ARHGAP28: variants seen among roughly 807,000 people sequenced by gnomAD.
ARHGAP28 encodes the protein Rho GTPase activating protein 28.
In ARHGAP28, 56 loss-of-function variants were observed where a neutral mutation model predicts 90.7. The observed-to-expected ratio is 0.62, with a 90% CI of 0.50 to 0.77. The LOEUF (loss-of-function observed/expected upper bound fraction) is 0.77, where lower values mean the gene tolerates loss of function less well. Among genes scored for constraint, ARHGAP28 ranks in the 30% least tolerant of loss-of-function variants. The probability of loss-of-function intolerance (pLI) is 0.00; values close to 1 mark genes in which losing one functional copy is unlikely to be tolerated. For missense variants in ARHGAP28, 869 were observed against 900.9 expected (o/e 0.96, Z 0.45); for synonymous variants, 308 against 323.3 (o/e 0.95, Z 0.51).
At chr18:6,810,459 C>CT (rs981963803) in intron 1 of ARHGAP28, among the ~76,000 whole-genome samples, 26 of 148,776 alleles carry the variant, frequency 1.7e-4, no homozygotes, top group Non-Finnish European at 2.5e-4. Flanking sequence ...GTTCAGTGGG[C>CT]TTTTTTTTTT....
chr18:6,743,917 T>C (rs2056000401), intron 1 of ARHGAP28, among the ~76,000 whole-genome samples: 1 of 152,232 alleles, frequency 6.6e-6, no homozygotes, highest in Non-Finnish European at 1.5e-5. Flanking sequence ...TAATTTCAGC[T>C]GCATCCAGAG....
chr18:6,777,868 A>G (rs764904516), intron 1 of ARHGAP28, among the ~76,000 whole-genome samples: 7 of 152,174 alleles, frequency 4.6e-5, no homozygotes, highest in Non-Finnish European at 1.0e-4. Flanking sequence ...TTGACAGAGT[A>G]TGAAGGAAAA....
At chr18:6,765,358 A>G (rs1413863318) in intron 1 of ARHGAP28, among the ~76,000 whole-genome samples, 1 of 152,162 alleles carries the variant, frequency 6.6e-6, no homozygotes, top group Non-Finnish European at 1.5e-5. Flanking sequence ...TGTCAGTTCT[A>G]ATAAATTATC....
intron 1 of ARHGAP28, among the ~76,000 whole-genome samples, chr18:6,749,430 G>C (rs1443813321): frequency 6.6e-6 from 1 of 152,150 alleles, no homozygotes; most frequent in Admixed American, 6.5e-5. Flanking sequence ...CCAGCAATCA[G>C]TTTATAGGAC....
At chr18:6,780,464 G>A (rs9947100) in intron 1 of ARHGAP28, among the ~76,000 whole-genome samples, 15,055 of 152,144 alleles carry the variant, frequency 0.099, 1,069 homozygotes, top group East Asian at 0.35. Flanking sequence ...CAAACACTAC[G>A]CCATTTTATG....
chr18:6,900,743 T>A (rs1032081121), intron 16 of ARHGAP28, among the ~76,000 whole-genome samples: 2 of 152,130 alleles, frequency 1.3e-5, no homozygotes, highest in African/African-American at 2.4e-5. Flanking sequence ...AGAGTGAGAC[T>A]GAAAGAATAT....
intron 17 of ARHGAP28, among the ~76,000 whole-genome samples, chr18:6,910,017 C>T (rs2057387502): frequency 6.6e-6 from 1 of 152,178 alleles, no homozygotes. Flanking sequence ...GCAAAAGCTT[C>T]TTGAATCAGT....
chr18:6,820,472 G>C (rs1212108712), intron 1 of ARHGAP28, among the ~76,000 whole-genome samples: 1 of 152,106 alleles, frequency 6.6e-6, no homozygotes. Context: ...GGAGAGGAGA[G>C]AGGAAAAGTG....
intron 4 of ARHGAP28, among the ~76,000 whole-genome samples, chr18:6,853,843 T>A (rs1306601713): frequency 6.6e-6 from 1 of 152,174 alleles, no homozygotes. Context: ...CCTTTCCAGA[T>A]CGAACCAATG....
Position 6,882,764 on chromosome 18 carries a change from A to C in ARHGAP28, c.1453+465A>C, listed in dbSNP as rs138554402. Among the ~76,000 whole-genome samples, 80 of 152,352 alleles carry C rather than the reference A, an allele frequency of 5.3e-4. 1 individual carries two copies. The highest frequency in any genetic ancestry group is 1.9e-3 in the African/African-American group (79 of 41,582). On this transcript the variant is annotated intron_variant, in intron 11 of 17. Transcript: ENST00000383472. The stretch of plus-strand genomic sequence containing the variant: ...AGGTCTGATGATGCAGCATGCAATA[A>C]ATACTTCACAGAAGATAATATGTCT...
At chr18:6,741,218 C>T (rs1449128001) in intron 1 of ARHGAP28, among the ~76,000 whole-genome samples, 1 of 152,050 alleles carries the variant, frequency 6.6e-6, no homozygotes, top group Non-Finnish European at 1.5e-5. Context: ...AAAGAGCTGA[C>T]TGTAAGTTTC....
At chr18:6,792,277 C>T (rs957044601) in intron 1 of ARHGAP28, among the ~76,000 whole-genome samples, 2 of 152,100 alleles carry the variant, frequency 1.3e-5, no homozygotes, top group South Asian at 4.1e-4. Flanking sequence ...CTCATCAGGT[C>T]GTACATTTAA....
At chr18:6,766,289 A>G (rs1465228911) in intron 1 of ARHGAP28, among the ~76,000 whole-genome samples, 1 of 152,214 alleles carries the variant, frequency 6.6e-6, no homozygotes, top group Non-Finnish European at 1.5e-5. Context: ...GTCTCAGGGC[A>G]TACTCATTTA....
chr18:6,840,983 G>A (rs1378613636), intron 3 of ARHGAP28, among the ~76,000 whole-genome samples: 6 of 151,766 alleles, frequency 4.0e-5, no homozygotes, highest in Non-Finnish European at 2.9e-5. Context: ...TAAAAAATTC[G>A]GCATCTGTTT....
At position 6,841,180 on chromosome 18, in the gene ARHGAP28, C is replaced by CTCTCTCTCTCT. The variant is rs1491103592; in HGVS notation, c.543+3766_543+3767insTCTCTCTCTCT. Among the ~76,000 whole-genome samples, 61 of 57,050 alleles carry CTCTCTCTCTCT rather than the reference C, an allele frequency of 1.1e-3. 2 individuals carry two copies. Among genetic ancestry groups the CTCTCTCTCTCT allele is most frequent in the Non-Finnish European group, 1.7e-3 (54 of 31,658 alleles). 37.4% of individuals were successfully genotyped at this position (57,050 alleles called of 152,430 possible). On this transcript the variant is annotated intron_variant, in intron 3 of 17. Transcript: ENST00000383472. ...CTTTCTCTCTCTCCTCTCTCTCTCT[C>CTCTCTCTCTCT]CTCTCTCTCTCTCTCTCTCTCTCCT...
intron 1 of ARHGAP28, among the ~76,000 whole-genome samples, chr18:6,752,599 C>T (rs12968963): frequency 0.13 from 19,195 of 152,188 alleles, 1,406 homozygotes; most frequent in South Asian, 0.26. Flanking sequence ...AGCAAAACCA[C>T]GAAGTGCTAA....
At chr18:6,754,013 A>G (rs2056090094) in intron 1 of ARHGAP28, among the ~76,000 whole-genome samples, 2 of 152,208 alleles carry the variant, frequency 1.3e-5, no homozygotes, top group African/African-American at 4.8e-5. Context: ...TGATTTCTGC[A>G]ATTATTTCAT....
chr18:6,788,610 C>T (rs1255976717), intron 1 of ARHGAP28: 2 of 152,230 alleles, frequency 1.3e-5, no homozygotes, highest in African/African-American at 2.4e-5. Flanking sequence ...TACAGGCACC[C>T]ACCACCACAC....
At chr18:6,858,761 C>A (rs2056974113) in intron 4 of ARHGAP28, among the ~76,000 whole-genome samples, 1 of 151,882 alleles carries the variant, frequency 6.6e-6, no homozygotes, top group African/African-American at 2.4e-5. Flanking sequence ...GAACTCCTGA[C>A]CTCAGGTGAT....
Sources: allele counts gnomAD v4.1 joint callset (sites outside exome capture counted in the v4.1 genomes callset), GRCh38; gene constraint gnomAD v4.1.1; transcripts MANE v1.5; gene names NCBI Gene and HGNC (gene_info 2026-07-23, HGNC 2026-07-21).